CEP63: variants seen among roughly 807,000 people sequenced by gnomAD.
CEP63 encodes the protein centrosomal protein of 63 kDa.
CEP63 carries 84 observed loss-of-function variants against 89.1 expected under a neutral mutation model. The observed-to-expected ratio is 0.94, with a 90% CI of 0.79 to 1.13. The LOEUF (loss-of-function observed/expected upper bound fraction) is 1.13. CEP63 is among the 50% of genes most tolerant of loss of function. The pLI is 0.00. For synonymous variants in CEP63, 267 were observed against 272.5 expected (o/e 0.98, Z 0.20); for missense variants, 838 against 813.3 (o/e 1.03, Z -0.37).
chr3:134,747,521 A>G, the CEP63 span, among the ~76,000 whole-genome samples: 1 of 152,040 alleles, frequency 6.6e-6, no homozygotes, highest in Non-Finnish European at 1.5e-5. Flanking sequence ...CCCACTTCAC[A>G]CCCCTTGCCC....
chr3:134,521,822 T>C (rs1227488400), intron 3 of CEP63, among the ~76,000 whole-genome samples: 1 of 152,210 alleles, frequency 6.6e-6, no homozygotes, highest in Non-Finnish European at 1.5e-5. Context: ...ACTGAAGTTT[T>C]ATTTTCTGGG....
Position 134,550,271 on chromosome 3 carries a change from A to G in CEP63, c.1380+11A>G. On this transcript the variant is annotated intron_variant, in intron 11 of 14. Coordinates refer to ENST00000675561, the MANE Select transcript of CEP63 (RefSeq NM_001353108.3). ...GCAGTAGAGCATAAGGTGAAGCCTG[A>G]ACAAAACCTTTTTTAAATTTGAAAT... The G allele has an allele frequency of 6.2e-7, 1 of 1,612,628 alleles. No homozygotes were observed. The highest frequency in any genetic ancestry group is 1.1e-5 in the South Asian group (1 of 91,006).
intron 1 of CEP63, among the ~76,000 whole-genome samples, chr3:134,487,173 C>G (rs891245138): frequency 1.3e-5 from 2 of 152,094 alleles, no homozygotes; most frequent in South Asian, 2.1e-4. Context: ...TTTTTAGATA[C>G]GAGGAAATCA....
the CEP63 span, among the ~76,000 whole-genome samples, chr3:134,688,916 G>C: frequency 1.3e-5 from 2 of 152,212 alleles, no homozygotes; most frequent in African/African-American, 2.4e-5. Context: ...TTCCACCAAG[G>C]GTTAGCTCCT....
At chr3:134,704,345 CA>C in the CEP63 span, among the ~76,000 whole-genome samples, 1 of 152,278 alleles carries the variant, frequency 6.6e-6, no homozygotes, top group Non-Finnish European at 1.5e-5. Flanking sequence ...GGGCCTCATT[CA>C]TGTCTGCATC....
At chr3:134,722,647 A>AAG in the CEP63 span, among the ~76,000 whole-genome samples, 1 of 152,170 alleles carries the variant, frequency 6.6e-6, no homozygotes, top group Non-Finnish European at 1.5e-5. Context: ...AATCTGAGAA[A>AAG]AGAGAACAAT....
chr3:134,601,785 G>C, the CEP63 span, among the ~76,000 whole-genome samples: 1 of 152,212 alleles, frequency 6.6e-6, no homozygotes, highest in Admixed American at 6.5e-5. Context: ...TTCTGGGCTA[G>C]GCCACCGTGC....
the CEP63 span, among the ~76,000 whole-genome samples, chr3:134,601,761 C>T: frequency 6.6e-6 from 1 of 152,170 alleles, no homozygotes; most frequent in African/African-American, 2.4e-5. Flanking sequence ...ATGATGGGCA[C>T]CCTTGTGAGC....
chr3:134,559,733 A>G (rs184197814), intron 14 of CEP63, among the ~76,000 whole-genome samples: 2 of 152,326 alleles, frequency 1.3e-5, no homozygotes, highest in Non-Finnish European at 2.9e-5. Context: ...TAGTTCAAGA[A>G]CTGTCTCTGG....
Position 134,545,567 on chromosome 3 carries a change from TGATA to T in CEP63, c.556-17_556-14del. 3 of 1,537,060 alleles carry T rather than the reference TGATA, an allele frequency of 2.0e-6. No homozygotes were observed. The highest frequency in any genetic ancestry group is 1.7e-4 in the Middle Eastern group (1 of 5,882). ...TATCATTTCCCTTTTACCTATTGAT[TGATA>T]GTCTGTGTTTCTAGGCTCAGCTTGT... On this transcript the variant is annotated splice_polypyrimidine_tract_variant and intron_variant, in intron 6 of 14. Coordinates refer to ENST00000675561, the MANE Select transcript of CEP63 (RefSeq NM_001353108.3).
At chr3:134,519,783 T>G (rs1424728453) in intron 3 of CEP63, among the ~76,000 whole-genome samples, 1 of 152,188 alleles carries the variant, frequency 6.6e-6, no homozygotes, top group Admixed American at 6.5e-5. Flanking sequence ...TGTTTCAACA[T>G]TCATAAATCA....
At chr3:134,518,387 A>G (rs752243555) in intron 3 of CEP63, among the ~76,000 whole-genome samples, 8 of 152,170 alleles carry the variant, frequency 5.3e-5, no homozygotes, top group Non-Finnish European at 1.2e-4. Flanking sequence ...ACCATTTACC[A>G]CTACTGCCGT....
At chr3:134,705,328 C>T in the CEP63 span, among the ~76,000 whole-genome samples, 1 of 152,074 alleles carries the variant, frequency 6.6e-6, no homozygotes, top group African/African-American at 2.4e-5. Flanking sequence ...GGAGCAAAAC[C>T]TGAGTGGGGG....
At chr3:134,525,775 C>G (rs893319874) in intron 3 of CEP63, among the ~76,000 whole-genome samples, 2 of 152,190 alleles carry the variant, frequency 1.3e-5, no homozygotes, top group African/African-American at 2.4e-5. Flanking sequence ...TCAATCTGTT[C>G]TGGCTTGTAG....
Position 134,562,309 on chromosome 3 carries a change from GGAGA to G in CEP63, c.*782_*785del. 1.2e-6 allele frequency: 1 copy of G among 820,296 alleles called. No homozygotes were observed. Among genetic ancestry groups the G allele is most frequent in the African/African-American group, 1.9e-5 (1 of 53,996 alleles). 50.8% of individuals were successfully genotyped at this position (820,296 alleles called of 1,614,324 possible). On this transcript the variant is annotated 3_prime_UTR_variant, in exon 15 of 15. Coordinates refer to ENST00000675561, the MANE Select transcript of CEP63 (RefSeq NM_001353108.3). ...TGATAAGATCCACCAGGGAGGCTGT[GGAGA>G]GAGAGAGGAGCAGGAGGCTGGGTTT...
chr3:134,734,351 T>C, the CEP63 span, among the ~76,000 whole-genome samples: 1 of 152,194 alleles, frequency 6.6e-6, no homozygotes, highest in African/African-American at 2.4e-5. Flanking sequence ...CAGGGCATTA[T>C]GTTATGTGAA....
the CEP63 span, chr3:134,607,755 CAT>C: frequency 4.1e-6 from 4 of 985,884 alleles, no homozygotes; most frequent in African/African-American, 7.0e-5. Flanking sequence ...TGGGAGAGCA[CAT>C]GTCAGCCCAG....
At chr3:134,714,219 G>A in the CEP63 span, among the ~76,000 whole-genome samples, 1 of 152,186 alleles carries the variant, frequency 6.6e-6, no homozygotes. Flanking sequence ...CAATACTGCT[G>A]GTCTGGGGAT....
At position 134,547,368 on chromosome 3, in the gene CEP63, C is replaced by T. The variant is rs1953636799; in HGVS notation, c.963C>T (p.Tyr321=). The T allele has an allele frequency of 2.5e-6, 4 of 1,613,538 alleles. No homozygotes were observed. The highest frequency in any genetic ancestry group is 2.2e-5 in the East Asian group (1 of 44,864). Residue 321 remains tyrosine, a synonymous_variant, in exon 9 of 15, where the codon TAC becomes TAT. Transcript: ENST00000675561. ...PREESLAEKK[Y]TSQGQGDLDS... is the part of the protein sequence containing the mutation. ...AAGAATCTCTGGCAGAAAAGAAGTACACCTCTCAAGGGCAGGGGGACTTAG... is the reference window on the plus strand; with the variant it reads ...AAGAATCTCTGGCAGAAAAGAAGTATACCTCTCAAGGGCAGGGGGACTTAG...
Sources: allele counts gnomAD v4.1 joint callset (sites outside exome capture counted in the v4.1 genomes callset), GRCh38; gene constraint gnomAD v4.1.1; transcripts MANE v1.5; gene names NCBI Gene and HGNC (gene_info 2026-07-23, HGNC 2026-07-21).